The following ATRNL1 variants were observed in gnomAD, a reference collection of about 807,000 sequenced individuals.
ATRNL1 encodes attractin-like protein 1.
In ATRNL1, 95 loss-of-function variants were observed where a neutral mutation model predicts 182.7. The ratio of observed to expected loss-of-function variants is 0.52; its 90% confidence interval spans 0.44 to 0.62. The LOEUF (loss-of-function observed/expected upper bound fraction) is 0.62, where lower values mean the gene tolerates loss of function less well. Among genes scored for constraint, ATRNL1 ranks in the 20% least tolerant of loss-of-function variants. The pLI is 0.00. For missense variants in ATRNL1, 1,471 were observed against 1,679.5 expected (o/e 0.88, Z 2.17); for synonymous variants, 576 against 568.3 (o/e 1.01, Z -0.19).
intron 21 of ATRNL1, among the ~76,000 whole-genome samples, chr10:115,459,749 G>A (rs553771922): frequency 1.3e-5 from 2 of 151,966 alleles, no homozygotes; most frequent in Non-Finnish European, 1.5e-5. Context: ...ACACCTATTC[G>A]TATACTCCCT....
intron 22 of ATRNL1, among the ~76,000 whole-genome samples, chr10:115,463,889 A>G (rs1847931312): frequency 6.6e-6 from 1 of 152,048 alleles, no homozygotes. Flanking sequence ...GGGTTCTTTG[A>G]AGATCTAAGA....
At chr10:115,839,614 G>A (rs1950757160) in intron 27 of ATRNL1, among the ~76,000 whole-genome samples, 1 of 152,074 alleles carries the variant, frequency 6.6e-6, no homozygotes, top group East Asian at 1.9e-4. Context: ...GTCATCTTCT[G>A]CAAGGTAAAG....
chr10:115,548,543 A>G lies in ATRNL1; in HGVS notation c.3717-915A>G, dbSNP rs570724120. ...TCTGGGTCTTCTCATAGCATAATCT[A>G]TGACCACAGAGCAAAGAAAGGGAAA... is the stretch of plus-strand genomic sequence containing the variant. On this transcript the variant is annotated intron_variant, in intron 25 of 28. Transcript: ENST00000355044. Among the ~76,000 whole-genome samples, 7 of 152,208 alleles carry G rather than the reference A, an allele frequency of 4.6e-5. No homozygotes were observed. The South Asian group carries it at 8.3e-4, about 18-fold the overall frequency.
At chr10:115,561,680 T>TGG (rs1235970952) in intron 26 of ATRNL1, among the ~76,000 whole-genome samples, 15 of 98,966 alleles carry the variant, frequency 1.5e-4, no homozygotes, top group Admixed American at 2.8e-4. Flanking sequence ...TGTGTGTGTG[T>TGG]GTGTGTGTGG....
chr10:115,784,234 G>A (rs1949341457), intron 27 of ATRNL1, among the ~76,000 whole-genome samples: 1 of 152,292 alleles, frequency 6.6e-6, no homozygotes, highest in South Asian at 2.1e-4. Context: ...TTAGGATTAA[G>A]ATTTATTTTG....
chr10:115,638,075 T>C (rs914821817), intron 26 of ATRNL1, among the ~76,000 whole-genome samples: 2 of 152,168 alleles, frequency 1.3e-5, no homozygotes, highest in Non-Finnish European at 2.9e-5. Context: ...ATTCACTCAC[T>C]ACTCACTCAC....
chr10:115,740,599 G>A (rs1372428267), intron 27 of ATRNL1, among the ~76,000 whole-genome samples: 4 of 151,996 alleles, frequency 2.6e-5, no homozygotes, highest in Non-Finnish European at 4.4e-5. Context: ...TCCACCTCCC[G>A]GGTTCATGCA....
At position 115,888,823 on chromosome 10, in the gene ATRNL1, A is replaced by G. The variant is rs185097869; in HGVS notation, c.4018+40832A>G. ...GCCATTTTCCTAGCATGTGGCTCACAAGGCAGCCACAAAGCATGGAGAGGC... is the reference window on the plus strand; with the variant it reads ...GCCATTTTCCTAGCATGTGGCTCACGAGGCAGCCACAAAGCATGGAGAGGC... On this transcript the variant is annotated intron_variant, in intron 28 of 28. Coordinates refer to ENST00000355044, the MANE Select transcript of ATRNL1 (RefSeq NM_207303.4). Among the ~76,000 whole-genome samples the G allele has an allele frequency of 2.2e-4, 33 of 152,312 alleles. No individual in the cohort carries two copies. In the East Asian group the frequency reaches 3.7e-3, roughly 17 times the overall value.
intron 28 of ATRNL1, among the ~76,000 whole-genome samples, chr10:115,899,074 A>T (rs1952281542): frequency 6.6e-6 from 1 of 151,846 alleles, no homozygotes; most frequent in Non-Finnish European, 1.5e-5. Context: ...CGTCATTTAC[A>T]TTAGGTATAT....
chr10:115,853,093 C>T (rs186092542), intron 28 of ATRNL1, among the ~76,000 whole-genome samples: 2 of 152,044 alleles, frequency 1.3e-5, no homozygotes, highest in African/African-American at 2.4e-5. Context: ...TCCTAGGATG[C>T]GTTTCACTCT....
intron 26 of ATRNL1, among the ~76,000 whole-genome samples, chr10:115,674,070 G>A (rs1293487665): frequency 5.9e-5 from 9 of 152,056 alleles, no homozygotes; most frequent in Non-Finnish European, 1.3e-4. Flanking sequence ...AGGTCTTTAT[G>A]TGCAAAGGAG....
chr10:115,593,223 T>A (rs1441393865), intron 26 of ATRNL1, among the ~76,000 whole-genome samples: 2 of 152,136 alleles, frequency 1.3e-5, no homozygotes, highest in Non-Finnish European at 2.9e-5. Context: ...GATATGAACA[T>A]CAATCCATTT....
chr10:115,142,765 AGGT>A (rs1184142683), intron 5 of ATRNL1, among the ~76,000 whole-genome samples: 4 of 152,126 alleles, frequency 2.6e-5, no homozygotes, highest in Non-Finnish European at 4.4e-5. Flanking sequence ...GTAGCTATGG[AGGT>A]GGTGACAATG....
intron 1 of ATRNL1, among the ~76,000 whole-genome samples, chr10:115,111,556 G>A (rs77146436): frequency 0.015 from 2,238 of 152,084 alleles, 42 homozygotes; most frequent in African/African-American, 0.051. Context: ...GGGTGGGAGC[G>A]GCCAGGCCCT....
chr10:115,633,158 G>A (rs572318450), intron 26 of ATRNL1, among the ~76,000 whole-genome samples: 7 of 152,068 alleles, frequency 4.6e-5, no homozygotes, highest in South Asian at 2.1e-4. Flanking sequence ...TGATCCTCCC[G>A]CCTCGGCCAC....
At position 115,171,197 on chromosome 10, in the gene ATRNL1, T is replaced by C; in HGVS notation, c.1253T>C (p.Ile418Thr). Reference sequence around the variant, plus strand: ...GCTGTGGAGGGACATTCAGCACATATTATGGAGTTGGATAGTAGAGATGTT... The same window carrying C: ...GCTGTGGAGGGACATTCAGCACATACTATGGAGTTGGATAGTAGAGATGTT... ...QYAVEGHSAH[I>T]MELDSRDVVM... Residue 418 changes from isoleucine to threonine, a missense_variant, in exon 8 of 29, where the codon ATT becomes ACT. Physicochemically the swap from Ile to Thr is moderately conservative, Grantham distance 89 (BLOSUM62 -1). Coordinates refer to ENST00000355044, the MANE Select transcript of ATRNL1 (RefSeq NM_207303.4). 1.9e-6 allele frequency: 3 copies of C among 1,611,246 alleles called. No individual in the cohort carries two copies. Among genetic ancestry groups the C allele is most frequent in the Non-Finnish European group, 2.5e-6 (3 of 1,178,154 alleles).
At chr10:115,681,687 G>A (rs1946051777) in intron 26 of ATRNL1, among the ~76,000 whole-genome samples, 1 of 152,120 alleles carries the variant, frequency 6.6e-6, no homozygotes, top group Non-Finnish European at 1.5e-5. Flanking sequence ...AATTCTTCAA[G>A]CTACATAGAT....
In ATRNL1 at chr10:115,212,939, C is replaced by A. The variant is rs117921362; in HGVS notation, c.1349-2758C>A. On this transcript the variant is annotated intron_variant, in intron 8 of 28. Transcript: ENST00000355044. ...GTGATGAAATAATCTATACAACAAACCCCCGTGACATAGATTTACCAATGT... is the reference window on the plus strand; with the variant it reads ...GTGATGAAATAATCTATACAACAAAACCCCGTGACATAGATTTACCAATGT... Among the ~76,000 whole-genome samples, 173 of 152,128 alleles carry A rather than the reference C, an allele frequency of 1.1e-3. 1 individual carries two copies. The East Asian group carries it at 0.026, about 23-fold the overall frequency.
chr10:115,552,577 C>T (rs1440466106), intron 26 of ATRNL1, among the ~76,000 whole-genome samples: 1 of 151,282 alleles, frequency 6.6e-6, no homozygotes, highest in Non-Finnish European at 1.5e-5. Context: ...ATATTGTGTT[C>T]ATTCAACTAG....
Sources: gnomAD v4.1 joint callset for allele counts (sites outside exome capture counted in the v4.1 genomes callset) on GRCh38, gnomAD v4.1.1 for gene constraint, MANE v1.5 for transcripts, NCBI Gene and HGNC (gene_info 2026-07-23, HGNC 2026-07-21) for gene names.